The following PRKN variants were observed in gnomAD, a reference collection of about 807,000 sequenced individuals.
PRKN encodes the protein E3 ubiquitin-protein ligase parkin.
PRKN carries 56 observed loss-of-function variants against 59.5 expected under a neutral mutation model. The observed-to-expected ratio is 0.94, with a 90% CI of 0.76 to 1.18. The LOEUF (loss-of-function observed/expected upper bound fraction) is 1.18, where lower values mean the gene tolerates loss of function less well. Among genes scored for constraint, PRKN ranks in the 50% most tolerant of loss-of-function variants. The pLI is 0.00. For synonymous variants in PRKN, 250 were observed against 222.1 expected, an observed-to-expected ratio of 1.13 and a Z score of -1.12; for missense variants, 657 against 596.4, an observed-to-expected ratio of 1.10 and a Z score of -1.06.
intron 10 of PRKN, among the ~76,000 whole-genome samples, chr6:161,370,669 A>G (rs1025484748): frequency 2.6e-5 from 4 of 151,930 alleles, no homozygotes; most frequent in Non-Finnish European, 5.9e-5. Flanking sequence ...TAACTTAAGG[A>G]ACTGCATATG....
At position 161,446,507 on chromosome 6, in the gene PRKN, T is replaced by C. The variant is rs1789501134; in HGVS notation, c.1084-59630A>G. On this transcript the variant is annotated intron_variant, in intron 9 of 11. Coordinates refer to ENST00000366898, the MANE Select transcript of PRKN (RefSeq NM_004562.3). The surrounding 1 kb of genome is among the most constrained non-coding windows in gnomAD (Gnocchi z 6.2). ...CGTCTGAGCCAGATCTGACTTTGTG[T>C]AGAAGCATAAAAGGAGTAGGATGTT... 6.6e-6 allele frequency among the ~76,000 whole-genome samples: 1 copy of C among 152,154 alleles called. No individual in the cohort carries two copies. Among genetic ancestry groups the C allele is most frequent in the African/African-American group, 2.4e-5 (1 of 41,434 alleles).
intron 3 of PRKN, among the ~76,000 whole-genome samples, chr6:162,216,256 C>A (rs1777645306): frequency 6.6e-6 from 1 of 151,340 alleles, no homozygotes; most frequent in Non-Finnish European, 1.5e-5. Context: ...TGCGGCCGGG[C>A]GCGGTGGCTC....
intron 10 of PRKN, among the ~76,000 whole-genome samples, chr6:161,365,042 A>AT (rs879753976): frequency 3.9e-5 from 6 of 152,136 alleles, no homozygotes; most frequent in Non-Finnish European, 7.3e-5. Context: ...GGGTCCTTAG[A>AT]TTTTTTTACA....
intron 1 of PRKN, among the ~76,000 whole-genome samples, chr6:162,601,754 G>A (rs955248943): frequency 2.0e-5 from 3 of 152,040 alleles, no homozygotes; most frequent in Non-Finnish European, 4.4e-5. Context: ...TATATTTAAA[G>A]GGTGAATGCT....
At chr6:161,799,676 G>T (rs1389652632) in intron 6 of PRKN, among the ~76,000 whole-genome samples, 1 of 152,212 alleles carries the variant, frequency 6.6e-6, no homozygotes, top group Non-Finnish European at 1.5e-5. Flanking sequence ...CAGATTGGAA[G>T]GGATAGGTAT....
intron 7 of PRKN, among the ~76,000 whole-genome samples, chr6:161,574,877 C>T (rs1404529922): frequency 6.6e-6 from 1 of 152,088 alleles, no homozygotes; most frequent in Non-Finnish European, 1.5e-5. Flanking sequence ...GTGTTTTTAC[C>T]TACTGACACT....
chr6:161,986,056 G>A lies in PRKN; in HGVS notation c.619-12639C>T, dbSNP rs189177968. Among the ~76,000 whole-genome samples the A allele has an allele frequency of 3.8e-3, 575 of 152,252 alleles. 2 individuals carry two copies. The highest frequency in any genetic ancestry group is 7.7e-3 in the Admixed American group (118 of 15,292). ...CTCCATAAGATACATCCACCAGTGT[G>A]TCATGTCAGTTTACCATTGCCATGG... On this transcript the variant is annotated intron_variant, in intron 5 of 11. Coordinates refer to ENST00000366898, the MANE Select transcript of PRKN (RefSeq NM_004562.3).
At chr6:162,022,833 CAT>C (rs1418397293) in intron 5 of PRKN, among the ~76,000 whole-genome samples, 1 of 152,092 alleles carries the variant, frequency 6.6e-6, no homozygotes, top group Non-Finnish European at 1.5e-5. Context: ...TTAATTTTTG[CAT>C]ACGGTGAGAG....
intron 7 of PRKN, among the ~76,000 whole-genome samples, chr6:161,700,322 T>C (rs1253612015): frequency 2.0e-5 from 3 of 152,154 alleles, no homozygotes; most frequent in African/African-American, 7.2e-5. Flanking sequence ...TTCCTACTTA[T>C]TCTTTAGGCC....
At chr6:162,581,229 C>G (rs149684513) in intron 1 of PRKN, among the ~76,000 whole-genome samples, 2 of 152,114 alleles carry the variant, frequency 1.3e-5, no homozygotes, top group Non-Finnish European at 1.5e-5. Flanking sequence ...TCAAAAGAGA[C>G]AGTTAGATTC....
At chr6:162,448,186 C>T (rs951977512) in intron 1 of PRKN, among the ~76,000 whole-genome samples, 5 of 152,070 alleles carry the variant, frequency 3.3e-5, no homozygotes, top group Non-Finnish European at 5.9e-5. Context: ...AGGCACGCCC[C>T]GGTTAATTGC....
chr6:162,399,441 C>A (rs1419500167), intron 2 of PRKN, among the ~76,000 whole-genome samples: 1 of 152,136 alleles, frequency 6.6e-6, no homozygotes, highest in Non-Finnish European at 1.5e-5. Context: ...ACTAGAATAG[C>A]AGGTGGACTA....
chr6:161,438,880 A>T (rs1175402132), intron 9 of PRKN, among the ~76,000 whole-genome samples: 3 of 152,136 alleles, frequency 2.0e-5, no homozygotes, highest in Non-Finnish European at 4.4e-5. Context: ...AGACATAGCC[A>T]TTTTGTTTAA....
At chr6:161,859,482 A>G (rs1793800622) in intron 6 of PRKN, among the ~76,000 whole-genome samples, 1 of 151,768 alleles carries the variant, frequency 6.6e-6, no homozygotes, top group Non-Finnish European at 1.5e-5. Flanking sequence ...GCATGCCTGT[A>G]TGCCTGTAAT....
intron 1 of PRKN, among the ~76,000 whole-genome samples, chr6:162,710,386 C>CACACAA (rs1778489780): frequency 1.3e-5 from 2 of 149,664 alleles, no homozygotes; most frequent in Non-Finnish European, 3.0e-5. Flanking sequence ...CACACACACA[C>CACACAA]ACACACACAC....
At chr6:162,221,337 G>A (rs1209691348) in intron 3 of PRKN, among the ~76,000 whole-genome samples, 2 of 152,162 alleles carry the variant, frequency 1.3e-5, no homozygotes, top group Non-Finnish European at 2.9e-5. Flanking sequence ...GTTTGTCACT[G>A]AGTATATGTG....
At chr6:162,647,949 CAAAA>C (rs398003250) in intron 1 of PRKN, among the ~76,000 whole-genome samples, 11 of 75,650 alleles carry the variant, frequency 1.5e-4, no homozygotes, top group Admixed American at 1.7e-4. Context: ...GTCCACAGTG[CAAAA>C]AAAAAAAAAA....
chr6:161,745,329 G>A (rs1030530074), intron 7 of PRKN, among the ~76,000 whole-genome samples: 1 of 152,184 alleles, frequency 6.6e-6, no homozygotes, highest in African/African-American at 2.4e-5. Context: ...CAGAGCCTTG[G>A]AGTAGTTCTG....
intron 1 of PRKN, among the ~76,000 whole-genome samples, chr6:162,667,136 G>A (rs1010462922): frequency 2.6e-5 from 4 of 152,024 alleles, no homozygotes; most frequent in Non-Finnish European, 2.9e-5. Flanking sequence ...AATTCAGAAA[G>A]CTGGCTAATC....
Sources: allele counts gnomAD v4.1 joint callset (sites outside exome capture counted in the v4.1 genomes callset), GRCh38; gene constraint gnomAD v4.1.1; non-coding constraint Gnocchi (gnomAD v3.1); transcripts MANE v1.5; gene names NCBI Gene and HGNC (gene_info 2026-07-23, HGNC 2026-07-21).